NHEJ1: variants seen among roughly 807,000 people sequenced by gnomAD.
NHEJ1 encodes the protein non-homologous end-joining factor 1.
Under a neutral mutation model 39.4 loss-of-function variants are expected in NHEJ1, and 22 were observed. The observed-to-expected ratio is 0.56, with a 90% CI of 0.40 to 0.80. NHEJ1 has a LOEUF of 0.80. Among genes scored for constraint, NHEJ1 ranks in the 30% least tolerant of loss-of-function variants. The probability of loss-of-function intolerance (pLI) is 0.00; values close to 1 mark genes in which losing one functional copy is unlikely to be tolerated. For missense variants in NHEJ1, 329 were observed against 357.1 expected (o/e 0.92, Z 0.63); for synonymous variants, 154 against 135.6 (o/e 1.14, Z -0.94).
chr2:219,101,351 G>A (rs1297250132), intron 5 of NHEJ1, among the ~76,000 whole-genome samples: 1 of 152,196 alleles, frequency 6.6e-6, no homozygotes, highest in Non-Finnish European at 1.5e-5. Flanking sequence ...CTGACCTCAG[G>A]TGATCTGCTT....
intron 1 of NHEJ1, among the ~76,000 whole-genome samples, chr2:219,159,600 TGC>T (rs1198909891): frequency 1.1e-4 from 15 of 140,170 alleles, no homozygotes; most frequent in Non-Finnish European, 2.0e-4. Context: ...TATATATATA[TGC>T]ATATATATAC....
chr2:219,104,680 C>T (rs983755182), intron 5 of NHEJ1, among the ~76,000 whole-genome samples: 1 of 151,846 alleles, frequency 6.6e-6, no homozygotes, highest in South Asian at 2.1e-4. Context: ...CTGGAAACTT[C>T]GCAGTAATCT....
chr2:219,078,086 C>T lies in NHEJ1; in HGVS notation c.706+3G>A, dbSNP rs755758329. Reference sequence around the variant, plus strand: ...ACAGACCGGGTACCTCTGGAGGGCTCACCAGCGCCTTGATGCTTCTGTCCC... The same window carrying T: ...ACAGACCGGGTACCTCTGGAGGGCTTACCAGCGCCTTGATGCTTCTGTCCC... On this transcript the variant is annotated splice_donor_region_variant and intron_variant, in intron 6 of 7. Transcript: ENST00000356853. 1 of 1,609,850 alleles carries T rather than the reference C, an allele frequency of 6.2e-7. No homozygotes were observed. Among genetic ancestry groups the T allele is most frequent in the South Asian group, 1.1e-5 (1 of 90,968 alleles).
At chr2:219,157,991 T>TCACACACACACACACACA (rs58103413) in intron 2 of NHEJ1, among the ~76,000 whole-genome samples, 195 bp downstream of exon 2, 1 of 99,176 alleles carries the variant, frequency 1.0e-5, no homozygotes, top group African/African-American at 3.4e-5. Flanking sequence ...TCTCTCTCTC[T>TCACACACACACACACACA]CACACACACA....
At chr2:219,131,810 G>A (rs144678556) in intron 5 of NHEJ1, among the ~76,000 whole-genome samples, 8 of 152,308 alleles carry the variant, frequency 5.3e-5, no homozygotes, top group South Asian at 4.1e-4. Flanking sequence ...GGGGCAGAGC[G>A]CTCTAGCTTT....
rs760782648 is a variant in NHEJ1 at position 219,077,362 on chromosome 2, C to G, written c.709G>C (p.Asp237His). 5.0e-6 allele frequency: 8 copies of G among 1,607,916 alleles called. No individual in the cohort carries two copies. Among genetic ancestry groups the G allele is most frequent in the African/African-American group, 2.7e-5 (2 of 74,810 alleles). Residue 237 changes from aspartate to histidine, a missense_variant and splice_region_variant, in exon 7 of 8, where the codon GAT becomes CAT. Transcript: ENST00000356853. ...GAAGCACTGTTTGAGGTATGAGGATCTCCTGAAATCAGAAAGATCAAGAGA... is the reference window on the plus strand; with the variant it reads ...GAAGCACTGTTTGAGGTATGAGGATGTCCTGAAATCAGAAAGATCAAGAGA... The part of the protein sequence containing the change: ...QVGQKHQGAG[D>H]PHTSNSASLQ...
chr2:219,070,331 A>G lies in NHEJ1; in HGVS notation c.*6050T>C, dbSNP rs55867144. On this transcript the variant is annotated 3_prime_UTR_variant, in exon 8 of 8. Coordinates refer to ENST00000356853, the MANE Select transcript of NHEJ1 (RefSeq NM_024782.3). ...CCTCCTGAGTAGACTAGCTGGGATT[A>G]CAGGTGTGCGCCACCACATCCAGCT... Among the ~76,000 whole-genome samples the G allele has an allele frequency of 0.016, 2,448 of 152,134 alleles. 69 individuals are homozygous for G. Among genetic ancestry groups the G allele is most frequent in the African/African-American group, 0.056 (2,311 of 41,478 alleles).
chr2:219,121,367 C>T (rs1189837649), intron 5 of NHEJ1, among the ~76,000 whole-genome samples: 1 of 152,166 alleles, frequency 6.6e-6, no homozygotes, highest in Non-Finnish European at 1.5e-5. Context: ...ATTTACTATC[C>T]TATATGTGTT....
intron 5 of NHEJ1, among the ~76,000 whole-genome samples, chr2:219,146,075 C>A (rs1267929082): frequency 6.6e-6 from 1 of 152,120 alleles, no homozygotes; most frequent in African/African-American, 2.4e-5. Flanking sequence ...TTAATACTTT[C>A]CCTATTTGGC....
In NHEJ1 at chr2:219,074,034, G is replaced by T. The variant is rs915723324; in HGVS notation, c.*2347C>A. Among the ~76,000 whole-genome samples the T allele has an allele frequency of 2.0e-5, 3 of 152,228 alleles. No individual in the cohort carries two copies. The highest frequency in any genetic ancestry group is 4.8e-5 in the African/African-American group (2 of 41,458). Reference sequence around the variant, plus strand: ...GAATGATTCTCAACCACTACCCCTAGCTTTGCGGGGTAAGGGCTTCGGGGC... The same window carrying T: ...GAATGATTCTCAACCACTACCCCTATCTTTGCGGGGTAAGGGCTTCGGGGC... On this transcript the variant is annotated 3_prime_UTR_variant, in exon 8 of 8. Transcript: ENST00000356853.
At chr2:219,110,077 C>A (rs549944778) in intron 5 of NHEJ1, among the ~76,000 whole-genome samples, 117 of 152,216 alleles carry the variant, frequency 7.7e-4, no homozygotes, top group Non-Finnish European at 1.4e-3. Context: ...TCCTTCCTTC[C>A]ATGTATTCAA....
chr2:219,086,751 G>A (rs1471701203), intron 5 of NHEJ1, among the ~76,000 whole-genome samples: 1 of 152,038 alleles, frequency 6.6e-6, no homozygotes, highest in East Asian at 1.9e-4. Context: ...TGGGGGCGGG[G>A]CAGCTGCTCT....
chr2:219,070,188 T>C lies in NHEJ1; in HGVS notation c.*6193A>G, dbSNP rs1268606792. On this transcript the variant is annotated 3_prime_UTR_variant, in exon 8 of 8. Coordinates refer to ENST00000356853, the MANE Select transcript of NHEJ1 (RefSeq NM_024782.3). ...GGCGCACATCACCACACTAATTTTTTTTTTATTTTTATTTTTGAGATGGAG... is the reference window on the plus strand; with the variant it reads ...GGCGCACATCACCACACTAATTTTTCTTTTATTTTTATTTTTGAGATGGAG... Among the ~76,000 whole-genome samples, 1 of 152,054 alleles carries C rather than the reference T, an allele frequency of 6.6e-6. No individual in the cohort carries two copies.
intron 5 of NHEJ1, among the ~76,000 whole-genome samples, chr2:219,120,567 T>G (rs990334224): frequency 1.3e-5 from 2 of 152,194 alleles, no homozygotes; most frequent in Non-Finnish European, 2.9e-5. Flanking sequence ...AGGAACTGCA[T>G]GCCAGTGTCC....
chr2:219,074,509 C>T lies in NHEJ1; in HGVS notation c.*1872G>A, dbSNP rs768952779. Among the ~76,000 whole-genome samples, 2 of 151,904 alleles carry T rather than the reference C, an allele frequency of 1.3e-5. No homozygotes were observed. Among genetic ancestry groups the T allele is most frequent in the Non-Finnish European group, 2.9e-5 (2 of 68,002 alleles). ...GTGTAATCCCAGCACTTTGGGAGGC[C>T]GAGGCAGGTAGATCACCTGAGGTCA... is the stretch of plus-strand genomic sequence containing the variant. On this transcript the variant is annotated 3_prime_UTR_variant, in exon 8 of 8. Transcript: ENST00000356853.
At chr2:219,102,013 C>T (rs768443531) in intron 5 of NHEJ1, among the ~76,000 whole-genome samples, 30 of 152,190 alleles carry the variant, frequency 2.0e-4, no homozygotes, top group Admixed American at 7.9e-4. Context: ...CGTAAGCCAC[C>T]GCACCCAGCC....
intron 7 of NHEJ1, among the ~76,000 whole-genome samples, 188 bp from the exon 8 acceptor site, chr2:219,076,643 G>C (rs1478790423): frequency 6.8e-6 from 1 of 146,682 alleles, no homozygotes; most frequent in Admixed American, 7.0e-5. Context: ...TCCTGGGCTC[G>C]AGCAATCCGC....
intron 5 of NHEJ1, among the ~76,000 whole-genome samples, chr2:219,141,448 G>A (rs1574737959): frequency 3.3e-5 from 5 of 151,712 alleles, no homozygotes; most frequent in African/African-American, 1.2e-4. Context: ...ACAACGGGAG[G>A]TAGAATAGAG....
chr2:219,129,062 C>A (rs1949552108), intron 5 of NHEJ1, among the ~76,000 whole-genome samples: 1 of 152,186 alleles, frequency 6.6e-6, no homozygotes, highest in Non-Finnish European at 1.5e-5. Context: ...CAAACTAAAT[C>A]CAAGAAGATC....
Sources: allele counts gnomAD v4.1 joint callset (sites outside exome capture counted in the v4.1 genomes callset), GRCh38; gene constraint gnomAD v4.1.1; transcripts MANE v1.5; gene names NCBI Gene and HGNC (gene_info 2026-07-23, HGNC 2026-07-21).